Variants in MSRA observed in about 807,000 individuals in gnomAD.
MSRA encodes methionine sulfoxide reductase A.
A neutral mutation model predicts 31.3 loss-of-function variants in MSRA; 54 were observed. The ratio of observed to expected loss-of-function variants is 1.73; its 90% CI spans 1.39 to 2.17. The LOEUF (loss-of-function observed/expected upper bound fraction) is 2.17, where lower values mean the gene tolerates loss of function less well. Among genes scored for constraint, MSRA ranks in the 30% most tolerant of loss-of-function variants. The pLI is 0.00. For missense variants in MSRA, 507 were observed against 300.9 expected, an observed-to-expected ratio of 1.69 and a Z score of -5.07; for synonymous variants, 169 against 116.5, an observed-to-expected ratio of 1.45 and a Z score of -2.90.
At chr8:10,135,694 AC>A (rs1171000869) in intron 1 of MSRA, among the ~76,000 whole-genome samples, 4 of 152,282 alleles carry the variant, frequency 2.6e-5, no homozygotes, top group Non-Finnish European at 5.9e-5. Context: ...ACTTAGGTTG[AC>A]CCATATGAAA....
intron 1 of MSRA, among the ~76,000 whole-genome samples, chr8:10,121,952 G>T (rs1801144960): frequency 6.6e-6 from 1 of 151,708 alleles, no homozygotes; most frequent in African/African-American, 2.4e-5. Flanking sequence ...AAGTACTGGG[G>T]TTACAGGCAT....
At chr8:10,314,260 T>G (rs1157845190) in intron 4 of MSRA, among the ~76,000 whole-genome samples, 2 of 151,994 alleles carry the variant, frequency 1.3e-5, no homozygotes, top group Non-Finnish European at 2.9e-5. Flanking sequence ...ACAGAGAGAT[T>G]ATATTTGATA....
intron 3 of MSRA, among the ~76,000 whole-genome samples, chr8:10,272,180 G>A (rs1799078482): frequency 1.3e-5 from 2 of 152,148 alleles, no homozygotes; most frequent in East Asian, 3.9e-4. Context: ...TATTATATTA[G>A]TCAATATTCT....
At chr8:10,251,777 G>A (rs879528507) in intron 3 of MSRA, among the ~76,000 whole-genome samples, 13 of 151,226 alleles carry the variant, frequency 8.6e-5, no homozygotes, top group Admixed American at 2.0e-4. Flanking sequence ...AAAACAGCTG[G>A]TTTTGTTTAT....
intron 1 of MSRA, among the ~76,000 whole-genome samples, chr8:10,119,939 GC>G (rs1403195881): frequency 2.6e-5 from 4 of 152,154 alleles, no homozygotes; most frequent in African/African-American, 9.7e-5. Context: ...GCTTTACCAT[GC>G]CTAGACCCAA....
At chr8:10,249,578 C>A (rs1368868370) in intron 3 of MSRA, among the ~76,000 whole-genome samples, 2 of 152,140 alleles carry the variant, frequency 1.3e-5, no homozygotes, top group Non-Finnish European at 2.9e-5. Flanking sequence ...GAGAAACTTA[C>A]CTCACCCAGA....
chr8:10,386,112 G>A (rs935809968), intron 5 of MSRA, among the ~76,000 whole-genome samples: 1 of 152,170 alleles, frequency 6.6e-6, no homozygotes, highest in African/African-American at 2.4e-5. Flanking sequence ...GTGTGCCATT[G>A]CCTGCTTATT....
chr8:10,238,065 C>T (rs1374068043), intron 2 of MSRA, among the ~76,000 whole-genome samples: 1 of 152,226 alleles, frequency 6.6e-6, no homozygotes, highest in African/African-American at 2.4e-5. Flanking sequence ...CAAGGTCCTA[C>T]ACTATCTGGC....
At chr8:10,283,836 TACACACACAC>T (rs372503609) in intron 3 of MSRA, among the ~76,000 whole-genome samples, 12 of 53,154 alleles carry the variant, frequency 2.3e-4, no homozygotes, top group Admixed American at 1.0e-3. Context: ...TATATATATA[TACACACACAC>T]ACACACACAC....
At chr8:10,344,574 CAAAAAAAAAAAA>C (rs56843505) in intron 5 of MSRA, among the ~76,000 whole-genome samples, 2 of 64,610 alleles carry the variant, frequency 3.1e-5, no homozygotes, top group African/African-American at 7.4e-5. Context: ...GACTCCGTCT[CAAAAAAAAAAAA>C]AAAAAAAAAA....
intron 3 of MSRA, among the ~76,000 whole-genome samples, chr8:10,291,484 G>A (rs1800234047): frequency 6.6e-6 from 1 of 151,888 alleles, no homozygotes; most frequent in African/African-American, 2.4e-5. Flanking sequence ...AACTCCACAG[G>A]GCATCCAATT....
chr8:10,143,879 C>T (rs911169196), intron 1 of MSRA, among the ~76,000 whole-genome samples: 3 of 152,176 alleles, frequency 2.0e-5, no homozygotes, highest in Non-Finnish European at 4.4e-5. Flanking sequence ...CCGACTTTTT[C>T]TTTCTTTCTC....
chr8:10,334,663 C>T lies in MSRA; in HGVS notation c.543+14674C>T, dbSNP rs548998716. Among the ~76,000 whole-genome samples the T allele has an allele frequency of 2.6e-5, 4 of 152,302 alleles. No homozygotes were observed. The South Asian group carries it at 6.2e-4, about 24-fold the overall frequency. On this transcript the variant is annotated intron_variant, in intron 5 of 5. Coordinates refer to ENST00000317173, the MANE Select transcript of MSRA (RefSeq NM_012331.5). ...TAACGCTTCCAGAGATCAGAGCTTT[C>T]ATGTTTGCCACGAAAGCCAGAGAGC...
At chr8:10,094,757 G>C (rs1002285864) in intron 1 of MSRA, among the ~76,000 whole-genome samples, 3 of 152,110 alleles carry the variant, frequency 2.0e-5, no homozygotes, top group Admixed American at 2.0e-4. Context: ...AGGTGTTTAT[G>C]TTAAAAATAA....
intron 1 of MSRA, among the ~76,000 whole-genome samples, chr8:10,133,748 T>C (rs146001134): frequency 1.6e-4 from 24 of 152,198 alleles, no homozygotes; most frequent in Non-Finnish European, 2.8e-4. Context: ...AAGACTGTGA[T>C]ACTTGGAGGC....
intron 3 of MSRA, among the ~76,000 whole-genome samples, chr8:10,248,960 C>T (rs1231903276): frequency 1.3e-5 from 2 of 152,170 alleles, no homozygotes. Context: ...GTTTCTGTGT[C>T]TGTAGGATTT....
intron 1 of MSRA, among the ~76,000 whole-genome samples, chr8:10,159,628 T>A (rs533484952): frequency 5.5e-4 from 83 of 151,268 alleles, no homozygotes; most frequent in African/African-American, 2.0e-3. Context: ...CAAAGCACTT[T>A]ACAAGGCTTT....
chr8:10,106,884 C>G (rs1401440059), intron 1 of MSRA, among the ~76,000 whole-genome samples: 1 of 151,946 alleles, frequency 6.6e-6, no homozygotes, highest in Non-Finnish European at 1.5e-5. Context: ...TACCCCTTCC[C>G]TCCACCCGCC....
chr8:10,255,523 C>A (rs1798130678), intron 3 of MSRA, among the ~76,000 whole-genome samples: 1 of 152,192 alleles, frequency 6.6e-6, no homozygotes, highest in Admixed American at 6.5e-5. Context: ...CTGCTGGCGA[C>A]TGTCACACCA....
Sources: gnomAD v4.1 joint callset for allele counts (sites outside exome capture counted in the v4.1 genomes callset) on GRCh38, gnomAD v4.1.1 for gene constraint, MANE v1.5 for transcripts, NCBI Gene and HGNC (gene_info 2026-07-23, HGNC 2026-07-21) for gene names.